ADGRL3: variants seen among roughly 807,000 people sequenced by gnomAD.
ADGRL3 encodes the protein calcium-independent alpha-latrotoxin receptor 3.
In ADGRL3, 62 loss-of-function variants were observed where a neutral mutation model predicts 153.5. The observed-to-expected ratio is 0.40, with a 90% CI of 0.33 to 0.50. ADGRL3 has a LOEUF of 0.50. Ranked by LOEUF, ADGRL3 falls within the 20% of genes least tolerant of loss-of-function variation. The pLI, the probability that ADGRL3 is intolerant of heterozygous loss-of-function variation, is 0.47. For synonymous variants in ADGRL3, 710 were observed against 672.5 expected (o/e 1.06, Z -0.86); for missense variants, 1,641 against 1,859.4 (o/e 0.88, Z 2.16).
At chr4:61,250,521 A>G (rs1404619020) in intron 1 of ADGRL3, among the ~76,000 whole-genome samples, 1 of 152,164 alleles carries the variant, frequency 6.6e-6, no homozygotes, top group East Asian at 1.9e-4. Flanking sequence ...CCTATAATCT[A>G]TACCATTGAT....
chr4:61,286,941 G>A (rs2093962502), intron 1 of ADGRL3, among the ~76,000 whole-genome samples: 1 of 151,346 alleles, frequency 6.6e-6, no homozygotes, highest in African/African-American at 2.4e-5. Flanking sequence ...TGGTTATCAG[G>A]ATATCTATAT....
At chr4:61,584,773 CA>C (rs963824608) in intron 4 of ADGRL3, among the ~76,000 whole-genome samples, 36 of 151,912 alleles carry the variant, frequency 2.4e-4, no homozygotes, top group African/African-American at 7.0e-4. Flanking sequence ...TTTGTGAAAA[CA>C]AAAACAAAAT....
chr4:61,426,445 A>AT (rs1028047455), intron 2 of ADGRL3, among the ~76,000 whole-genome samples: 3 of 116,090 alleles, frequency 2.6e-5, no homozygotes, highest in African/African-American at 9.8e-5. Context: ...CCCATCGGGA[A>AT]TGGGGGGGTG....
intron 9 of ADGRL3, among the ~76,000 whole-genome samples, chr4:61,822,515 T>A (rs1278215361): frequency 6.6e-6 from 1 of 152,210 alleles, no homozygotes; most frequent in Admixed American, 6.5e-5. Context: ...TAAAATTATA[T>A]TCTAAACTTA....
chr4:61,421,289 ACG>A (rs2097204293), intron 2 of ADGRL3, among the ~76,000 whole-genome samples: 1 of 151,998 alleles, frequency 6.6e-6, no homozygotes, highest in Non-Finnish European at 1.5e-5. Context: ...AGCCAAGAGC[ACG>A]CCACTGCACT....
chr4:61,874,462 G>C (rs1014799917), intron 9 of ADGRL3, among the ~76,000 whole-genome samples: 5 of 152,050 alleles, frequency 3.3e-5, no homozygotes, highest in African/African-American at 4.8e-5. Context: ...TATTCTATAA[G>C]ATATAAGCAA....
At chr4:61,368,724 T>C (rs913382045) in intron 1 of ADGRL3, among the ~76,000 whole-genome samples, 2 of 152,088 alleles carry the variant, frequency 1.3e-5, no homozygotes, top group African/African-American at 4.8e-5. Flanking sequence ...TCTTTTTTGG[T>C]TCCATATGAA....
At chr4:61,428,184 G>A (rs750310432) in intron 2 of ADGRL3, 1 of 152,714 alleles carries the variant, frequency 6.5e-6, no homozygotes, top group African/African-American at 2.4e-5. Context: ...AACACTCGGG[G>A]GGCCGTAGGC....
At chr4:61,374,808 A>G (rs6858223) in intron 1 of ADGRL3, among the ~76,000 whole-genome samples, 33,716 of 151,840 alleles carry the variant, frequency 0.22, 4,143 homozygotes, top group Admixed American at 0.27. Flanking sequence ...GAATGTTCCC[A>G]AAACACTTTG....
In ADGRL3 at chr4:62,028,767, G is replaced by A. The variant is rs977496932; in HGVS notation, c.3396-88G>A. ...GGGAGGTGGGGGACAGAGGCCTTTG[G>A]GGACCAGGAGAATATTTTTCATATG... is the stretch of plus-strand genomic sequence containing the variant. On this transcript the variant is annotated intron_variant, in intron 21 of 26. Transcript: ENST00000683033. 1.4e-4 allele frequency: 148 copies of A among 1,067,772 alleles called. No individual in the cohort carries two copies. In the Admixed American group the frequency reaches 3.1e-3, roughly 22 times the overall value. 66.1% of individuals were successfully genotyped at this position (1,067,772 alleles called of 1,614,324 possible).
intron 2 of ADGRL3, among the ~76,000 whole-genome samples, chr4:61,468,702 C>A (rs1300547201): frequency 6.6e-6 from 1 of 152,012 alleles, no homozygotes; most frequent in Non-Finnish European, 1.5e-5. Context: ...ACCATGGTTT[C>A]TTGTTTAATG....
At chr4:61,347,004 T>C (rs1320479763) in intron 1 of ADGRL3, among the ~76,000 whole-genome samples, 2 of 152,064 alleles carry the variant, frequency 1.3e-5, no homozygotes, top group Non-Finnish European at 2.9e-5. Flanking sequence ...GCATGATACC[T>C]TTGCTTAGAT....
chr4:61,869,936 T>TAAAAAAAAAAAA lies in ADGRL3; in HGVS notation c.1481-22706_1481-22695dup, dbSNP rs1190618911. On this transcript the variant is annotated intron_variant, in intron 9 of 26. Coordinates refer to ENST00000683033, the MANE Select transcript of ADGRL3 (RefSeq NM_001387552.1). Reference sequence around the variant, plus strand: ...CTGGGCAACAAGAGCAAAACTTTGTTAAAAAAAAAAAAAAAAAAAAAAAAA... The same window carrying TAAAAAAAAAAAA: ...CTGGGCAACAAGAGCAAAACTTTGTTAAAAAAAAAAAAAAAAAAAAAAAAAAAAAAAAAAAAA... 2.3e-3 allele frequency among the ~76,000 whole-genome samples: 24 copies of TAAAAAAAAAAAA among 10,506 alleles called. 7 individuals are homozygous for TAAAAAAAAAAAA. The highest frequency in any genetic ancestry group is 4.3e-3 in the Non-Finnish European group (17 of 3,912). 6.9% of individuals were successfully genotyped at this position (10,506 alleles called of 152,430 possible).
intron 2 of ADGRL3, among the ~76,000 whole-genome samples, chr4:61,402,865 T>G (rs1183029863): frequency 6.6e-6 from 1 of 152,116 alleles, no homozygotes; most frequent in Non-Finnish European, 1.5e-5. Flanking sequence ...TTTAGTTACC[T>G]GTTGTATTTA....
intron 1 of ADGRL3, among the ~76,000 whole-genome samples, chr4:61,319,674 A>G (rs939735633): frequency 2.0e-5 from 3 of 152,200 alleles, no homozygotes; most frequent in African/African-American, 7.2e-5. Flanking sequence ...GTCAAATGAG[A>G]ATAATTATTA....
rs375481888 is a variant in ADGRL3, at chr4:61,738,444, G to A, written c.1399+4890G>A. Among the ~76,000 whole-genome samples, 49 of 152,176 alleles carry A rather than the reference G, an allele frequency of 3.2e-4. 1 individual carries two copies. The highest frequency in any genetic ancestry group is 1.2e-3 in the African/African-American group (48 of 41,504). On this transcript the variant is annotated intron_variant, in intron 8 of 26. Transcript: ENST00000683033. ...TCCTCTGGGTAGCTATCCAGTAGTG[G>A]GATTGCAGGGTCAGATGGTAGTTCT...
At chr4:61,474,606 A>G (rs144069582) in intron 2 of ADGRL3, among the ~76,000 whole-genome samples, 1 of 152,304 alleles carries the variant, frequency 6.6e-6, no homozygotes, top group East Asian at 1.9e-4. Context: ...AGGAAGAGTG[A>G]GAACATTTTA....
chr4:61,279,526 A>G (rs1311743975), intron 1 of ADGRL3, among the ~76,000 whole-genome samples: 6 of 152,152 alleles, frequency 3.9e-5, no homozygotes, highest in Non-Finnish European at 8.8e-5. Flanking sequence ...GCTCAGACCT[A>G]AAAAATTACA....
At chr4:61,257,304 A>T (rs1041879904) in intron 1 of ADGRL3, among the ~76,000 whole-genome samples, 2 of 152,134 alleles carry the variant, frequency 1.3e-5, no homozygotes, top group Admixed American at 6.5e-5. Context: ...TCAATTTTTA[A>T]CTCTGTTGAA....
Sources: gnomAD v4.1 joint callset for allele counts (sites outside exome capture counted in the v4.1 genomes callset) on GRCh38, gnomAD v4.1.1 for gene constraint, MANE v1.5 for transcripts, NCBI Gene and HGNC (gene_info 2026-07-23, HGNC 2026-07-21) for gene names.